The following CBL variants were observed in gnomAD, a reference collection of about 807,000 sequenced individuals.
CBL encodes E3 ubiquitin-protein ligase CBL.
In CBL, 45 loss-of-function variants were observed where a neutral mutation model predicts 96.9. The observed-to-expected ratio is 0.46, with a 90% CI of 0.37 to 0.60. CBL has a LOEUF of 0.60. CBL is among the 20% of genes least tolerant of loss of function. The pLI, the probability that CBL is intolerant of heterozygous loss-of-function variation, is 0.00. For missense variants in CBL, 1,024 were observed against 1,143.5 expected (o/e 0.90, Z 1.51); for synonymous variants, 420 against 426.8 (o/e 0.98, Z 0.20).
rs71048051 is a variant in CBL, at chr11:119,236,595, GTATATATATATA to G, written c.443+3917_443+3928del. On this transcript the variant is annotated intron_variant, in intron 2 of 15. Coordinates refer to ENST00000264033, the MANE Select transcript of CBL (RefSeq NM_005188.4). ...ACATATATGTTTTCACTTCTTTTGA[GTATATATATATA>G]TATATATATATATATACCCATAGGA... 6.7e-3 allele frequency among the ~76,000 whole-genome samples: 920 copies of G among 137,764 alleles called. 5 individuals carry two copies. The highest frequency in any genetic ancestry group is 0.011 in the Middle Eastern group (3 of 264). The allele number at this position is 137,764 out of a possible 152,430, so 90.4% of individuals were successfully genotyped here.
At chr11:119,264,358 TCC>T (rs1334308715) in intron 2 of CBL, among the ~76,000 whole-genome samples, 2 of 151,510 alleles carry the variant, frequency 1.3e-5, no homozygotes, top group African/African-American at 4.9e-5. Flanking sequence ...ATGCCTGACC[TCC>T]AGTCTTTTAT....
chr11:119,288,545 G>T (rs1040382024), intron 12 of CBL, among the ~76,000 whole-genome samples: 6 of 151,972 alleles, frequency 3.9e-5, no homozygotes, highest in African/African-American at 1.5e-4. Flanking sequence ...AATGCTACTG[G>T]GTCCTCCTAT....
chr11:119,216,388 T>A lies in CBL; in HGVS notation c.195+9776T>A, dbSNP rs926436308. ...TATTTATTTATTTATTTATTTATTT[T>A]TTGAGATGGAGTCTTGCTCTGTCAC... On this transcript the variant is annotated intron_variant, in intron 1 of 15. Transcript: ENST00000264033. Among the ~76,000 whole-genome samples the A allele has an allele frequency of 1.0e-4, 13 of 124,590 alleles. No individual in the cohort carries two copies. In the East Asian group the frequency reaches 1.2e-3, roughly 11 times the overall value. The allele number at this position is 124,590 out of a possible 152,430, so 81.7% of individuals were successfully genotyped here.
At chr11:119,253,874 C>A (rs182106699) in intron 2 of CBL, among the ~76,000 whole-genome samples, 11 of 151,220 alleles carry the variant, frequency 7.3e-5, no homozygotes, top group African/African-American at 2.7e-4. Context: ...ATATCATCAG[C>A]CAGTCTTGTT....
rs140725852 is a variant in CBL, at chr11:119,298,456, G to A, written c.2350G>A (p.Val784Met). The A allele has an allele frequency of 2.4e-5, 39 of 1,614,160 alleles. 1 individual carries two copies. Among genetic ancestry groups the A allele is most frequent in the South Asian group, 4.4e-5 (4 of 91,084 alleles). Residue 784 changes from valine to methionine, a missense_variant, in exon 15 of 16, where the codon GTG (valine) becomes ATG (methionine). Physicochemically the swap from Val to Met is conservative, Grantham distance 21. Coordinates refer to ENST00000264033, the MANE Select transcript of CBL (RefSeq NM_005188.4). Reference protein sequence around the residue: ...YDVPKPPVPAVLARRTLSDIS... With the variant: ...YDVPKPPVPAMLARRTLSDIS... ...TGTCCCAAAGCCACCTGTGCCGGCC[G>A]TGCTGGCCCGCCGAACTCTCTCAGA...
intron 2 of CBL, among the ~76,000 whole-genome samples, chr11:119,239,535 A>G (rs1045720891): frequency 4.6e-5 from 7 of 152,178 alleles, no homozygotes; most frequent in Non-Finnish European, 8.8e-5. Context: ...ATCATGTCAC[A>G]TGCAATTAGA....
At position 119,216,613 on chromosome 11, in the gene CBL, G is replaced by A. The variant is rs570592818; in HGVS notation, c.195+10001G>A. Among the ~76,000 whole-genome samples the A allele has an allele frequency of 6.8e-4, 104 of 152,028 alleles. 1 individual carries two copies. In the South Asian group the frequency reaches 0.02, roughly 29 times the overall value. On this transcript the variant is annotated intron_variant, in intron 1 of 15. Coordinates refer to ENST00000264033, the MANE Select transcript of CBL (RefSeq NM_005188.4). ...TCTCGATCTCTTGACCTTGTGATCC[G>A]CCTGCCTCGGCCTCCCAAAGTGCTG...
intron 5 of CBL, among the ~76,000 whole-genome samples, chr11:119,275,298 G>A (rs766682797): frequency 4.6e-5 from 7 of 152,080 alleles, no homozygotes; most frequent in Non-Finnish European, 1.0e-4. Flanking sequence ...AATTATCCAG[G>A]TGTGGTGCGG....
intron 2 of CBL, among the ~76,000 whole-genome samples, chr11:119,242,939 G>A (rs1949598800): frequency 6.6e-6 from 1 of 151,942 alleles, no homozygotes; most frequent in Admixed American, 6.6e-5. Flanking sequence ...TGCATTAGGG[G>A]TGAAATTAGT....
At chr11:119,247,233 G>C (rs993299344) in intron 2 of CBL, among the ~76,000 whole-genome samples, 1 of 152,158 alleles carries the variant, frequency 6.6e-6, no homozygotes, top group African/African-American at 2.4e-5. Context: ...ACTTGATGGT[G>C]AAAGACTGAA....
chr11:119,250,238 C>T (rs1949661367), intron 2 of CBL, among the ~76,000 whole-genome samples: 1 of 152,106 alleles, frequency 6.6e-6, no homozygotes, highest in Admixed American at 6.6e-5. Flanking sequence ...GGGTAAATTT[C>T]CCCTGATGTC....
chr11:119,299,573 G>A lies in CBL; in HGVS notation c.2513G>A (p.Gly838Asp). Residue 838 changes from glycine to aspartate, a missense_variant, in exon 16 of 16, where the codon GGC becomes GAC. Transcript: ENST00000264033. ...PRRINSERKAGSCQQGSGPAA... is the reference protein window; with the variant it reads ...PRRINSERKADSCQQGSGPAA... ...AGAATCAACTCTGAACGGAAAGCTG[G>A]CAGCTGTCAGCAAGGTAGTGGTCCT... 1 of 1,614,154 alleles carries A rather than the reference G, an allele frequency of 6.2e-7. No homozygotes were observed. Among genetic ancestry groups the A allele is most frequent in the African/African-American group, 1.3e-5 (1 of 75,030 alleles).
chr11:119,305,300 C>T lies in CBL; in HGVS notation c.*5519C>T, dbSNP rs1050513770. ...CTCTTGTGGGCCAGCCTGTCCTGTT[C>T]CAGAGCTAGCCTGTTCCTGGGTAGC... On this transcript the variant is annotated 3_prime_UTR_variant, in exon 16 of 16. Transcript: ENST00000264033. 6 of 232,044 alleles carry T rather than the reference C, an allele frequency of 2.6e-5. No homozygotes were observed. Among genetic ancestry groups the T allele is most frequent in the African/African-American group, 1.3e-4 (6 of 45,258 alleles). The allele number at this position is 232,044 out of a possible 1,614,324, so 14.4% of individuals were successfully genotyped here. A position where few individuals can be genotyped will look rare whatever the true frequency, so the allele number is the denominator to read the frequency against.
chr11:119,263,245 TTG>T (rs1239059618), intron 2 of CBL, among the ~76,000 whole-genome samples: 1 of 152,156 alleles, frequency 6.6e-6, no homozygotes, highest in African/African-American at 2.4e-5. Flanking sequence ...TAGGACTACA[TTG>T]TGAGTGCTTT....
chr11:119,299,067 C>T (rs775487146), intron 15 of CBL, among the ~76,000 whole-genome samples: 55 of 152,230 alleles, frequency 3.6e-4, no homozygotes, highest in Non-Finnish European at 3.1e-4. Context: ...ATACAGCCTT[C>T]GCTTGCCCAG....
intron 2 of CBL, among the ~76,000 whole-genome samples, chr11:119,255,550 C>T (rs10892338): frequency 6.6e-6 from 1 of 151,986 alleles, no homozygotes; most frequent in East Asian, 1.9e-4. Flanking sequence ...TATAAAAATA[C>T]ATATTTTACT....
chr11:119,267,569 A>G (rs1486139406), intron 2 of CBL, among the ~76,000 whole-genome samples: 1 of 152,004 alleles, frequency 6.6e-6, no homozygotes, highest in African/African-American at 2.4e-5. Flanking sequence ...CTCTGAGACT[A>G]CCCTCCCTAA....
rs1565851611 is a variant in CBL, at chr11:119,206,575, A to G, written c.158A>G (p.Lys53Arg). The change falls in exon 1 of 16, where the codon AAG becomes AGG. Residue 53 changes from lysine to arginine, a missense_variant. By Grantham distance (26) the Lys-to-Arg change is conservative. Transcript: ENST00000264033. ...CCCCACCCGCCGGGGACGGTGGACAAGAAGATGGTGGAGAAGTGCTGGAAG... is the reference window on the plus strand; with the variant it reads ...CCCCACCCGCCGGGGACGGTGGACAGGAAGATGGTGGAGAAGTGCTGGAAG... ...LSPHPPGTVD[K>R]KMVEKCWKLM... is the part of the protein sequence containing the mutation. 2 of 1,549,382 alleles carry G rather than the reference A, an allele frequency of 1.3e-6. No homozygotes were observed. The highest frequency in any genetic ancestry group is 1.7e-6 in the Non-Finnish European group (2 of 1,146,522).
In CBL at chr11:119,284,962, A is replaced by G. The variant is rs1349100855; in HGVS notation, c.1432-7A>G. On this transcript the variant is annotated splice_polypyrimidine_tract_variant and splice_region_variant and intron_variant, in intron 9 of 15. Transcript: ENST00000264033. ...AAGTAATCTGTTAAATTTTTTATGT[A>G]CCCTAGGTGGAACGGCCGCCTTCTC... is the stretch of plus-strand genomic sequence containing the variant. The G allele has an allele frequency of 6.2e-7, 1 of 1,613,888 alleles. No individual in the cohort carries two copies. The highest frequency in any genetic ancestry group is 8.5e-7 in the Non-Finnish European group (1 of 1,180,000).
Sources: allele counts gnomAD v4.1 joint callset (sites outside exome capture counted in the v4.1 genomes callset), GRCh38; gene constraint gnomAD v4.1.1; transcripts MANE v1.5; gene names NCBI Gene and HGNC (gene_info 2026-07-23, HGNC 2026-07-21).